The following DRC2 variants were observed in gnomAD, a reference collection of about 807,000 sequenced individuals.
DRC2 encodes dynein regulatory complex subunit 2.
the DRC2 span, among the ~76,000 whole-genome samples, chr12:48,914,810 CTTCT>C: frequency 6.6e-6 from 1 of 151,980 alleles, no homozygotes; most frequent in Non-Finnish European, 1.5e-5. Context: ...CACCCACTTT[CTTCT>C]TTTTTTTTCT....
At chr12:48,916,252 T>C in the DRC2 span, among the ~76,000 whole-genome samples, 4 of 152,040 alleles carry the variant, frequency 2.6e-5, no homozygotes, top group African/African-American at 9.7e-5. Context: ...GGCAGGCGGC[T>C]GGGAGGTGGA....
the DRC2 span, chr12:48,916,856 C>A: frequency 1.1e-6 from 1 of 918,534 alleles, no homozygotes; most frequent in South Asian, 2.0e-5. Flanking sequence ...CTCTTTTCTC[C>A]ATCAGTACCT....
At chr12:48,913,574 C>A in the DRC2 span, among the ~76,000 whole-genome samples, 1 of 152,054 alleles carries the variant, frequency 6.6e-6, no homozygotes, top group African/African-American at 2.4e-5. Context: ...CTCACTGCAA[C>A]CTCTGCCTCC....
the DRC2 span, among the ~76,000 whole-genome samples, chr12:48,919,253 G>T: frequency 2.0e-5 from 3 of 150,278 alleles, no homozygotes; most frequent in Non-Finnish European, 4.4e-5. Flanking sequence ...GTGAGACAGG[G>T]TCTCACTCTG....
At chr12:48,904,411 G>A in the DRC2 span, 1 of 1,614,176 alleles carries the variant, frequency 6.2e-7, no homozygotes, top group Non-Finnish European at 8.5e-7. Flanking sequence ...AGCAGAAGTT[G>A]CTGGCAGAGG....
At chr12:48,920,476 G>T in the DRC2 span, among the ~76,000 whole-genome samples, 1 of 115,398 alleles carries the variant, frequency 8.7e-6, no homozygotes, top group African/African-American at 3.1e-5. Flanking sequence ...AAGAATGAGA[G>T]AATGAGTTTG....
the DRC2 span, among the ~76,000 whole-genome samples, chr12:48,919,746 G>A: frequency 6.6e-6 from 1 of 151,704 alleles, no homozygotes; most frequent in Non-Finnish European, 1.5e-5. Context: ...TCGAACTCCT[G>A]ACCTCAGCGA....
chr12:48,916,210 G>C, the DRC2 span, among the ~76,000 whole-genome samples: 2 of 152,126 alleles, frequency 1.3e-5, no homozygotes, highest in Non-Finnish European at 2.9e-5. Flanking sequence ...CGGCCGGGCA[G>C]AGGCTGCAAT....
chr12:48,915,425 G>C, the DRC2 span, among the ~76,000 whole-genome samples: 1 of 145,888 alleles, frequency 6.9e-6, no homozygotes, highest in Non-Finnish European at 1.5e-5. Flanking sequence ...CACAGGGTTG[G>C]GGGTAAGGTC....
the DRC2 span, chr12:48,918,068 A>T: frequency 1.9e-6 from 1 of 521,778 alleles, no homozygotes; most frequent in East Asian, 3.2e-5. Context: ...TCCCAAATGC[A>T]GCATTTCCTC....
chr12:48,907,807 G>A, the DRC2 span, among the ~76,000 whole-genome samples: 1 of 152,064 alleles, frequency 6.6e-6, no homozygotes, highest in Non-Finnish European at 1.5e-5. Context: ...TCCTACCTCT[G>A]GGACATAAAT....
At chr12:48,918,383 C>G in the DRC2 span, 2 of 1,614,088 alleles carry the variant, frequency 1.2e-6, no homozygotes, top group Non-Finnish European at 1.7e-6. Context: ...CACAGAGGAT[C>G]GAAAGGCTGC....
chr12:48,908,604 A>ATTATTAT, the DRC2 span, among the ~76,000 whole-genome samples: 4 of 110,910 alleles, frequency 3.6e-5, no homozygotes, highest in East Asian at 2.1e-4. Context: ...TATTATTATT[A>ATTATTAT]TTATTTATTT....
the DRC2 span, chr12:48,917,147 G>T: frequency 1.2e-6 from 2 of 1,610,110 alleles, no homozygotes; most frequent in Non-Finnish European, 1.7e-6. Flanking sequence ...GTGGGAGGAG[G>T]TGATAGAAAA....
chr12:48,906,526 C>T, the DRC2 span, among the ~76,000 whole-genome samples: 11 of 151,688 alleles, frequency 7.3e-5, no homozygotes, highest in East Asian at 9.7e-4. Context: ...TCAGGTGATC[C>T]GCCCGCCTCA....
At chr12:48,905,015 G>C in the DRC2 span, 1 of 1,614,106 alleles carries the variant, frequency 6.2e-7, no homozygotes, top group South Asian at 1.1e-5. Context: ...GTGGAGAACT[G>C]TCCTTCGGGA....
At chr12:48,920,783 T>C in the DRC2 span, 61 of 644,012 alleles carry the variant, frequency 9.5e-5, no homozygotes, top group Non-Finnish European at 1.4e-4. Flanking sequence ...GTGTGTTACA[T>C]GGTAACCTCC....
chr12:48,904,455 G>A, the DRC2 span: 6 of 1,613,988 alleles, frequency 3.7e-6, no homozygotes. Context: ...AGGCTCCTCA[G>A]CCAGTTCTTG....
At chr12:48,905,226 G>A in the DRC2 span, 1 of 955,856 alleles carries the variant, frequency 1.0e-6, no homozygotes, top group Non-Finnish European at 1.5e-6. Context: ...AGAAAGCCAG[G>A]CTATTGGTAA....
Sources: gnomAD v4.1 joint callset for allele counts (sites outside exome capture counted in the v4.1 genomes callset) on GRCh38, gnomAD v4.1.1 for gene constraint, MANE v1.5 for transcripts, NCBI Gene and HGNC (gene_info 2026-07-23, HGNC 2026-07-21) for gene names.